The following CACNA1D variants were observed in gnomAD, a reference collection of about 807,000 sequenced individuals.
The protein encoded by CACNA1D is voltage-dependent L-type calcium channel subunit alpha-1D.
In CACNA1D, 55 loss-of-function variants were observed where a neutral mutation model predicts 257.1. That is an observed-to-expected ratio of 0.21 (90% confidence interval 0.17 to 0.27). CACNA1D has a LOEUF of 0.27. CACNA1D is among the 10% of genes least tolerant of loss of function. The pLI is 1.00. For missense variants in CACNA1D, 1,876 were observed against 2,784.0 expected (o/e 0.67, Z 7.34); for synonymous variants, 980 against 1,014.9 (o/e 0.97, Z 0.65).
chr3:53,709,493 G>T (rs1163635001), intron 9 of CACNA1D, among the ~76,000 whole-genome samples: 1 of 152,194 alleles, frequency 6.6e-6, no homozygotes, highest in African/African-American at 2.4e-5. Flanking sequence ...AAAAGGGTCT[G>T]CTGTGTCAGA....
rs753064078 is a variant in CACNA1D, at chr3:53,780,179, C to G, written c.4690+51C>G. The stretch of plus-strand genomic sequence containing the variant: ...AGATGGCAGGAAAGGAGAGAGACAT[C>G]ACATCCCATCTTGCCTTCCTCATCT... On this transcript the variant is annotated intron_variant, in intron 38 of 47. Transcript: ENST00000350061. 4.4e-6 allele frequency: 6 copies of G among 1,364,126 alleles called. No individual in the cohort carries two copies. In the African/African-American group the frequency reaches 8.6e-5, roughly 19 times the overall value. The allele number at this position is 1,364,126 out of a possible 1,614,324, so 84.5% of individuals were successfully genotyped here. A position where few individuals can be genotyped will look rare whatever the true frequency, so the allele number is the denominator to read the frequency against.
intron 8 of CACNA1D, among the ~76,000 whole-genome samples, chr3:53,700,186 C>A (rs949091044): frequency 2.0e-5 from 3 of 151,038 alleles, no homozygotes; most frequent in Non-Finnish European, 2.9e-5. Context: ...CAGGGTAACT[C>A]TTTTACTATC....
chr3:53,594,633 C>T (rs2093348028), intron 3 of CACNA1D, among the ~76,000 whole-genome samples: 1 of 152,236 alleles, frequency 6.6e-6, no homozygotes, highest in Non-Finnish European at 1.5e-5. Flanking sequence ...ACAGAATTTT[C>T]CAGGCGGAAG....
At chr3:53,609,739 A>G (rs1271781710) in intron 3 of CACNA1D, among the ~76,000 whole-genome samples, 1 of 151,750 alleles carries the variant, frequency 6.6e-6, no homozygotes, top group Admixed American at 6.6e-5. Flanking sequence ...ATTTTTCTCT[A>G]TTGTTTGCCT....
At chr3:53,809,881 T>C in intron 46 of CACNA1D, 97 bp from the exon 47 acceptor site, 2 of 1,121,590 alleles carry the variant, frequency 1.8e-6, no homozygotes, top group Non-Finnish European at 2.7e-6. Flanking sequence ...GGACTGCCCC[T>C]GGCGAGCGCA....
intron 9 of CACNA1D, among the ~76,000 whole-genome samples, chr3:53,715,713 C>G (rs2359204): frequency 0.18 from 27,141 of 152,198 alleles, 2,705 homozygotes; most frequent in Non-Finnish European, 0.23. Context: ...ACCTGTGCAC[C>G]TGCTCTCAGC....
At chr3:53,496,195 T>G (rs138078513) in intron 1 of CACNA1D, among the ~76,000 whole-genome samples, 1 of 152,360 alleles carries the variant, frequency 6.6e-6, no homozygotes, top group African/African-American at 2.4e-5. Context: ...CACTTCTGCT[T>G]CAGTGAGGAG....
At position 53,573,812 on chromosome 3, in the gene CACNA1D, G is replaced by GCTCTCC. The variant is rs376987172; in HGVS notation, c.483+72093_483+72098dup. 3.4e-3 allele frequency among the ~76,000 whole-genome samples: 516 copies of GCTCTCC among 152,302 alleles called. 2 individuals carry two copies. Among genetic ancestry groups the GCTCTCC allele is most frequent in the Middle Eastern group, 0.027 (8 of 294 alleles). On this transcript the variant is annotated intron_variant, in intron 3 of 47. Coordinates refer to ENST00000350061, the MANE Select transcript of CACNA1D (RefSeq NM_001128840.3). ...GTGTCCAGTCACTGGCACATAGTGG[G>GCTCTCC]CTCTCCTTATCCTTTTTATTGTGGT...
Position 53,730,359 on chromosome 3 carries a change from T to C in CACNA1D, c.2222-83T>C, listed in dbSNP as rs1236710189. ...GTCACTTACTACCAGCTTCCCGGGA[T>C]GCAGAGGTGTGTGGCGTTGCCATTG... On this transcript the variant is annotated intron_variant, in intron 15 of 47. Coordinates refer to ENST00000350061, the MANE Select transcript of CACNA1D (RefSeq NM_001128840.3). 8 of 883,748 alleles carry C rather than the reference T, an allele frequency of 9.1e-6. No homozygotes were observed. In the East Asian group the frequency reaches 2.0e-4, roughly 22 times the overall value. The allele number at this position is 883,748 out of a possible 1,614,324, so 54.7% of individuals were successfully genotyped here. A position where few individuals can be genotyped will look rare whatever the true frequency, so the allele number is the denominator to read the frequency against.
intron 3 of CACNA1D, among the ~76,000 whole-genome samples, chr3:53,508,808 A>T (rs1336702189): frequency 6.6e-6 from 1 of 152,210 alleles, no homozygotes; most frequent in Non-Finnish European, 1.5e-5. Flanking sequence ...ACACGCCCCA[A>T]CAGACCCCAA....
intron 3 of CACNA1D, among the ~76,000 whole-genome samples, chr3:53,541,548 A>T (rs924965767): frequency 1.3e-5 from 2 of 152,188 alleles, no homozygotes; most frequent in African/African-American, 4.8e-5. Flanking sequence ...GTGACAGCTA[A>T]CGTGAGGGCT....
chr3:53,733,987 C>T (rs7429038), intron 19 of CACNA1D, among the ~76,000 whole-genome samples: 2,297 of 111,990 alleles, frequency 0.021, 76 homozygotes, highest in African/African-American at 0.073. Context: ...TATATATATA[C>T]ATATACATAT....
rs1396856509 is a variant in CACNA1D, at chr3:53,770,420, T to C, written c.3916-4T>C. On this transcript the variant is annotated splice_polypyrimidine_tract_variant and splice_region_variant and intron_variant, in intron 31 of 47. Coordinates refer to ENST00000350061, the MANE Select transcript of CACNA1D (RefSeq NM_001128840.3). Reference sequence around the variant, plus strand: ...GGTTTGACCTCTCCATGATAACCCTTCAGAACTCTGAAGAGAGCAATAGAA... The same window carrying C: ...GGTTTGACCTCTCCATGATAACCCTCCAGAACTCTGAAGAGAGCAATAGAA... 2.5e-6 allele frequency: 4 copies of C among 1,613,888 alleles called. No homozygotes were observed. The highest frequency in any genetic ancestry group is 2.2e-5 in the East Asian group (1 of 44,896).
At chr3:53,713,519 TGTGTGTGTGTGTGTGTGTGTGTGTGA>T (rs2094784411) in intron 9 of CACNA1D, among the ~76,000 whole-genome samples, 2 of 137,404 alleles carry the variant, frequency 1.5e-5, no homozygotes, top group African/African-American at 5.6e-5. Context: ...TGTGTGTGTG[TGTGTGTGTGTGTGTGTGTGTGTGTGA>T]GAGATTTGCC....
In CACNA1D at chr3:53,506,954, T is replaced by A. The variant is rs953427179; in HGVS notation, c.483+5234T>A. 2.0e-5 allele frequency among the ~76,000 whole-genome samples: 3 copies of A among 151,302 alleles called. No individual in the cohort carries two copies. The South Asian group carries it at 6.3e-4, about 32-fold the overall frequency. On this transcript the variant is annotated intron_variant, in intron 3 of 47. Coordinates refer to ENST00000350061, the MANE Select transcript of CACNA1D (RefSeq NM_001128840.3). ...CAGTCATAGTGGTATGTGCCTGTAG[T>A]CCCAGCTATGTGGGAGGCTGAGGCA...
intron 3 of CACNA1D, among the ~76,000 whole-genome samples, chr3:53,596,432 GC>G (rs763905832): frequency 8.6e-5 from 13 of 151,642 alleles, no homozygotes; most frequent in Admixed American, 2.6e-4. Context: ...TTGGAAAATG[GC>G]CCCCCCCAAA....
chr3:53,744,871 T>C, intron 23 of CACNA1D, 44 bp downstream of exon 23: 7 of 1,083,498 alleles, frequency 6.5e-6, no homozygotes, highest in Non-Finnish European at 1.0e-5. Context: ...TGGGTTGGGG[T>C]TGGCTGTAAT....
intron 45 of CACNA1D, 60 bp downstream of exon 45, chr3:53,805,206 A>AGAGCGGGGGTTGGGGG: frequency 6.5e-7 from 1 of 1,532,288 alleles, no homozygotes; most frequent in Non-Finnish European, 9.0e-7. Context: ...CCTCTCCCCC[A>AGAGCGGGGGTTGGGGG]ACCCCCGCTC....
chr3:53,593,994 A>G (rs1331835163), intron 3 of CACNA1D, among the ~76,000 whole-genome samples: 1 of 152,136 alleles, frequency 6.6e-6, no homozygotes, highest in Non-Finnish European at 1.5e-5. Flanking sequence ...AGAAGTGAGT[A>G]AGGTGAAGTC....
Sources: gnomAD v4.1 joint callset for allele counts (sites outside exome capture counted in the v4.1 genomes callset) on GRCh38, gnomAD v4.1.1 for gene constraint, MANE v1.5 for transcripts, NCBI Gene and HGNC (gene_info 2026-07-23, HGNC 2026-07-21) for gene names.